ITSN1: variants seen among roughly 807,000 people sequenced by gnomAD.
ITSN1 encodes intersectin-1.
ITSN1 carries 58 observed loss-of-function variants against 239.8 expected under a neutral mutation model. The ratio of observed to expected loss-of-function variants is 0.24; its 90% confidence interval spans 0.20 to 0.30. ITSN1 has a LOEUF of 0.30. Among genes scored for constraint, ITSN1 ranks in the 10% least tolerant of loss-of-function variants. The probability of loss-of-function intolerance (pLI) is 1.00; values close to 1 mark genes in which losing one functional copy is unlikely to be tolerated. For synonymous variants in ITSN1, 780 were observed against 770.8 expected (o/e 1.01, Z -0.20); for missense variants, 1,558 against 2,103.3 (o/e 0.74, Z 5.07).
chr21:33,825,740 GA>G (rs1490392081), intron 25 of ITSN1, among the ~76,000 whole-genome samples: 1 of 152,028 alleles, frequency 6.6e-6, no homozygotes, highest in Non-Finnish European at 1.5e-5. Flanking sequence ...TCCTTTTTTT[GA>G]TATGCAGCCT....
intron 8 of ITSN1, among the ~76,000 whole-genome samples, chr21:33,758,754 T>C (rs1247722504): frequency 6.6e-6 from 1 of 152,232 alleles, no homozygotes; most frequent in Non-Finnish European, 1.5e-5. Flanking sequence ...ATGTAGTTAC[T>C]CTCTCCTTTC....
intron 1 of ITSN1, among the ~76,000 whole-genome samples, chr21:33,717,187 CT>C (rs879597417): frequency 4.6e-3 from 652 of 141,026 alleles, no homozygotes; most frequent in Admixed American, 6.4e-3. Flanking sequence ...AGTACTCATT[CT>C]TTTTTTTTTT....
intron 1 of ITSN1, among the ~76,000 whole-genome samples, chr21:33,658,668 A>G (rs1301090830): frequency 6.6e-6 from 1 of 152,140 alleles, no homozygotes; most frequent in Non-Finnish European, 1.5e-5. Context: ...ACTTCAATAC[A>G]TCTAGAGCAT....
At chr21:33,815,891 G>C (rs1407470028) in intron 22 of ITSN1, among the ~76,000 whole-genome samples, 1 of 43,846 alleles carries the variant, frequency 2.3e-5, no homozygotes, top group Non-Finnish European at 7.9e-5. Context: ...ATCCGACAAA[G>C]AAGAATGAAG....
chr21:33,718,647 T>G (rs2065305903), intron 1 of ITSN1, 150 bp from the exon 2 acceptor site: 1 of 639,300 alleles, frequency 1.6e-6, no homozygotes, highest in East Asian at 2.8e-5. Context: ...ACTTAAAAAG[T>G]AACACGTGAA....
At chr21:33,659,013 C>T (rs568906151) in intron 1 of ITSN1, among the ~76,000 whole-genome samples, 1 of 152,212 alleles carries the variant, frequency 6.6e-6, no homozygotes, top group African/African-American at 2.4e-5. Context: ...CCGGAGGAAG[C>T]AGTCAGGAAA....
At chr21:33,830,693 T>C (rs1334583468) in intron 27 of ITSN1, among the ~76,000 whole-genome samples, 1 of 152,182 alleles carries the variant, frequency 6.6e-6, no homozygotes. Flanking sequence ...ATTTTTGGGA[T>C]AATGGACAAA....
chr21:33,872,255 C>T (rs1982875486), intron 33 of ITSN1, among the ~76,000 whole-genome samples: 1 of 152,098 alleles, frequency 6.6e-6, no homozygotes, highest in South Asian at 2.1e-4. Context: ...AATTCCACCT[C>T]TAGGAATTTA....
intron 26 of ITSN1, among the ~76,000 whole-genome samples, chr21:33,827,349 G>C (rs1355617638): frequency 6.6e-6 from 1 of 152,066 alleles, no homozygotes; most frequent in Admixed American, 6.5e-5. Flanking sequence ...GCAGTGAGCC[G>C]AGGTTGCTCC....
Position 33,885,453 on chromosome 21 carries a change from G to A in ITSN1, c.4774G>A (p.Ala1592Thr), listed in dbSNP as rs147520772. Reference sequence around the variant, plus strand: ...TGCCGTCATAGTCCGTTCCCAAAGGGCAACAGGCATTGGAAGGTTGATGGT... The same window carrying A: ...TGCCGTCATAGTCCGTTCCCAAAGGACAACAGGCATTGGAAGGTTGATGGT... ...EKAYLVRSQRATGIGRLMVNV... is the reference protein window; with the variant it reads ...EKAYLVRSQRTTGIGRLMVNV... Residue 1592 changes from alanine to threonine, a missense_variant, in exon 38 of 40, where the codon GCA becomes ACA. Transcript: ENST00000381318. 14 of 1,613,988 alleles carry A rather than the reference G, an allele frequency of 8.7e-6. No homozygotes were observed. In the African/African-American group the frequency reaches 1.5e-4, roughly 17 times the overall value.
chr21:33,669,532 C>T (rs578131403), intron 1 of ITSN1, among the ~76,000 whole-genome samples: 22 of 151,218 alleles, frequency 1.5e-4, no homozygotes, highest in African/African-American at 4.1e-4. Context: ...CTCCGCCTCC[C>T]GGGTTCAAGC....
At chr21:33,827,100 G>A (rs1338154562) in intron 26 of ITSN1, among the ~76,000 whole-genome samples, 1 of 152,172 alleles carries the variant, frequency 6.6e-6, no homozygotes, top group African/African-American at 2.4e-5. Flanking sequence ...TTGGGTTGTC[G>A]AGAAATAATT....
chr21:33,836,087 A>C (rs2074585664), intron 28 of ITSN1, among the ~76,000 whole-genome samples: 1 of 152,196 alleles, frequency 6.6e-6, no homozygotes, highest in African/African-American at 2.4e-5. Flanking sequence ...GCAGCAGAAG[A>C]TAGGATGGGG....
intron 35 of ITSN1, among the ~76,000 whole-genome samples, chr21:33,883,255 T>C (rs1985226543): frequency 6.6e-6 from 1 of 152,186 alleles, no homozygotes; most frequent in African/African-American, 2.4e-5. Context: ...AACCCATATT[T>C]ATCATATTTA....
Position 33,818,293 on chromosome 21 carries a change from T to G in ITSN1, c.2754T>G (p.Ala918=). ...GTGAAAAGGTGGAGGGGCTACAAGC[T>G]CAAGCCCTATATCCTTGGAGAGCCA... is the stretch of plus-strand genomic sequence containing the variant. The part of the protein sequence containing the change: ...GQGEKVEGLQ[A]QALYPWRAKK... The change falls in exon 23 of 40, where the codon GCT becomes GCG. Residue 918 remains alanine, a synonymous_variant. Transcript: ENST00000381318. The G allele has an allele frequency of 6.2e-7, 1 of 1,614,166 alleles. No homozygotes were observed. The highest frequency in any genetic ancestry group is 8.5e-7 in the Non-Finnish European group (1 of 1,180,016).
chr21:33,767,513 A>C, intron 10 of ITSN1, among the ~76,000 whole-genome samples, 200 bp from the exon 11 acceptor site: 1 of 152,294 alleles, frequency 6.6e-6, no homozygotes, highest in South Asian at 2.1e-4. Flanking sequence ...TAAGCTTGGC[A>C]CTCAGAGTCT....
At chr21:33,801,266 A>G (rs2071982338) in intron 19 of ITSN1, among the ~76,000 whole-genome samples, 1 of 152,212 alleles carries the variant, frequency 6.6e-6, no homozygotes, top group Non-Finnish European at 1.5e-5. Context: ...GGTGGTGTAC[A>G]GGTGATTTTA....
At chr21:33,869,702 A>G (rs1001946152) in intron 33 of ITSN1, among the ~76,000 whole-genome samples, 2 of 152,178 alleles carry the variant, frequency 1.3e-5, no homozygotes, top group Non-Finnish European at 2.9e-5. Flanking sequence ...GCTCCTGGAA[A>G]GAGGTTTTAG....
intron 1 of ITSN1, among the ~76,000 whole-genome samples, chr21:33,662,661 A>G (rs547286483): frequency 6.6e-6 from 1 of 152,268 alleles, no homozygotes; most frequent in South Asian, 2.1e-4. Context: ...CATCAGTTAA[A>G]TGGCCTTTAG....
Sources: gnomAD v4.1 joint callset for allele counts (sites outside exome capture counted in the v4.1 genomes callset) on GRCh38, gnomAD v4.1.1 for gene constraint, MANE v1.5 for transcripts, NCBI Gene and HGNC (gene_info 2026-07-23, HGNC 2026-07-21) for gene names.